Variants in TAOK1 observed in about 807,000 individuals in gnomAD.
TAOK1 encodes the protein TAO kinase 1.
Under a neutral mutation model 138.3 loss-of-function variants are expected in TAOK1, and 21 were observed. The observed-to-expected ratio is 0.15, with a 90% CI of 0.11 to 0.22. The LOEUF (loss-of-function observed/expected upper bound fraction) is 0.22. TAOK1 is among the 10% of genes least tolerant of loss of function. The pLI is 1.00. For missense variants in TAOK1, 651 were observed against 1,227.7 expected, an observed-to-expected ratio of 0.53 and a Z score of 7.02; for synonymous variants, 361 against 398.4, an observed-to-expected ratio of 0.91 and a Z score of 1.12.
At chr17:29,450,453 T>A (rs140418769) in intron 1 of TAOK1, among the ~76,000 whole-genome samples, 1 of 152,294 alleles carries the variant, frequency 6.6e-6, no homozygotes, top group Non-Finnish European at 1.5e-5. Flanking sequence ...CTGGGATTCC[T>A]ATCCAGCAGT....
intron 1 of TAOK1, among the ~76,000 whole-genome samples, chr17:29,407,109 G>T (rs1256777917): frequency 6.6e-6 from 1 of 151,980 alleles, no homozygotes; most frequent in African/African-American, 2.4e-5. Context: ...TGAACTCCTG[G>T]GCTCAAGTGA....
chr17:29,536,759 G>A (rs2032230650), intron 19 of TAOK1, among the ~76,000 whole-genome samples: 1 of 147,920 alleles, frequency 6.8e-6, no homozygotes. Flanking sequence ...GAGTGCAGTG[G>A]CGTGATCTCT....
At chr17:29,500,870 C>T (rs1190343736) in intron 12 of TAOK1, among the ~76,000 whole-genome samples, 1 of 151,984 alleles carries the variant, frequency 6.6e-6, no homozygotes, top group East Asian at 1.9e-4. Context: ...AGCCTAGACA[C>T]AAAAGGACAA....
At chr17:29,449,810 C>T (rs1445000307) in intron 1 of TAOK1, among the ~76,000 whole-genome samples, 2 of 152,062 alleles carry the variant, frequency 1.3e-5, no homozygotes, top group African/African-American at 4.8e-5. Flanking sequence ...CATTGCACTC[C>T]AGCCTGGGTG....
At chr17:29,533,512 C>A (rs1202376708) in intron 18 of TAOK1, among the ~76,000 whole-genome samples, 1 of 151,840 alleles carries the variant, frequency 6.6e-6, no homozygotes, top group African/African-American at 2.4e-5. Flanking sequence ...GAGGTTGTAG[C>A]GAGCCGAGAT....
intron 18 of TAOK1, among the ~76,000 whole-genome samples, chr17:29,530,962 ATTTTT>A (rs66788063): frequency 1.0e-5 from 1 of 96,192 alleles, no homozygotes; most frequent in Non-Finnish European, 1.9e-5. Context: ...ACAAGTACAA[ATTTTT>A]TTTTTTTTTT....
intron 19 of TAOK1, among the ~76,000 whole-genome samples, chr17:29,539,318 C>T (rs188821721): frequency 3.1e-4 from 47 of 152,052 alleles, no homozygotes; most frequent in East Asian, 1.6e-3. Flanking sequence ...CAGAAGAGGC[C>T]GGATCGCTTG....
intron 1 of TAOK1, among the ~76,000 whole-genome samples, chr17:29,406,864 A>T (rs1006107873): frequency 6.6e-6 from 1 of 152,000 alleles, no homozygotes; most frequent in African/African-American, 2.4e-5. Flanking sequence ...TACCATGCTT[A>T]GCCATTTTTC....
intron 2 of TAOK1, among the ~76,000 whole-genome samples, chr17:29,464,035 A>G (rs1413493894): frequency 1.3e-5 from 2 of 152,192 alleles, no homozygotes; most frequent in Non-Finnish European, 1.5e-5. Flanking sequence ...GACCACATAT[A>G]TGATTACATT....
intron 17 of TAOK1, among the ~76,000 whole-genome samples, chr17:29,525,347 G>T (rs994194067): frequency 8.6e-5 from 13 of 151,748 alleles, no homozygotes; most frequent in Non-Finnish European, 1.5e-4. Flanking sequence ...TCCTGACCTC[G>T]TGATCCGCCC....
chr17:29,455,643 C>G (rs1468012745), intron 2 of TAOK1, among the ~76,000 whole-genome samples: 2 of 150,122 alleles, frequency 1.3e-5, no homozygotes, highest in African/African-American at 5.1e-5. Flanking sequence ...TGAAGAAGTT[C>G]CCTTTATTCC....
rs774868247 is a variant in TAOK1, at chr17:29,530,547, A to G, written c.2289A>G (p.Glu763=). The G allele has an allele frequency of 6.2e-7, 1 of 1,614,212 alleles. No homozygotes were observed. Among genetic ancestry groups the G allele is most frequent in the South Asian group, 1.1e-5 (1 of 91,090 alleles). ...CTGTTCTGAAACGGCTCAAGGAGGA[A>G]CAGACCCGGAAATTAGCTATCTTGG... ...HKAVLKRLKE[E]QTRKLAILAE... is the part of the protein sequence containing the mutation. Residue 763 remains glutamate (E), a synonymous_variant, in exon 18 of 20, where the codon GAA becomes GAG. Coordinates refer to ENST00000261716, the MANE Select transcript of TAOK1 (RefSeq NM_020791.4).
At chr17:29,471,716 G>A (rs1250367428) in intron 3 of TAOK1, among the ~76,000 whole-genome samples, 1 of 152,116 alleles carries the variant, frequency 6.6e-6, no homozygotes, top group Non-Finnish European at 1.5e-5. Context: ...GGTTAAGGTG[G>A]CTGTGGCAAT....
At chr17:29,526,670 T>C (rs560144539) in intron 17 of TAOK1, among the ~76,000 whole-genome samples, 1 of 152,050 alleles carries the variant, frequency 6.6e-6, no homozygotes, top group African/African-American at 2.4e-5. Flanking sequence ...CACCTCAGCC[T>C]CTCAGAGTCT....
intron 18 of TAOK1, among the ~76,000 whole-genome samples, chr17:29,533,503 A>T (rs2032165711): frequency 6.6e-6 from 1 of 151,806 alleles, no homozygotes; most frequent in Non-Finnish European, 1.5e-5. Flanking sequence ...TGGGAGGTGG[A>T]GGTTGTAGCG....
chr17:29,424,436 CAAA>C (rs781589064), intron 1 of TAOK1, among the ~76,000 whole-genome samples: 1 of 72,006 alleles, frequency 1.4e-5, no homozygotes, highest in African/African-American at 5.4e-5. Flanking sequence ...GACTCCCTCT[CAAA>C]AAAAAAAAAA....
intron 19 of TAOK1, among the ~76,000 whole-genome samples, chr17:29,534,869 G>C (rs1455951487): frequency 6.6e-6 from 1 of 151,864 alleles, no homozygotes; most frequent in Non-Finnish European, 1.5e-5. Context: ...AATTATTCTT[G>C]TCAGATATAT....
At chr17:29,529,289 G>A (rs2032064576) in intron 17 of TAOK1, among the ~76,000 whole-genome samples, 1 of 152,060 alleles carries the variant, frequency 6.6e-6, no homozygotes, top group Admixed American at 6.6e-5. Context: ...TAATTCATGA[G>A]AAAAAATTTA....
intron 8 of TAOK1, among the ~76,000 whole-genome samples, chr17:29,484,584 G>A (rs570185099): frequency 2.0e-4 from 31 of 151,614 alleles, no homozygotes; most frequent in African/African-American, 6.3e-4. Context: ...TATGATTTTC[G>A]TTTTTTTTCT....
Sources: gnomAD v4.1 joint callset for allele counts (sites outside exome capture counted in the v4.1 genomes callset) on GRCh38, gnomAD v4.1.1 for gene constraint, MANE v1.5 for transcripts, NCBI Gene and HGNC (gene_info 2026-07-23, HGNC 2026-07-21) for gene names.